Variants in PCDH15 observed in about 807,000 individuals in gnomAD.
The protein encoded by PCDH15 is protocadherin-15.
A neutral mutation model predicts 178.5 loss-of-function variants in PCDH15; 129 were observed. The observed-to-expected ratio is 0.72, with a 90% confidence interval of 0.63 to 0.84. The LOEUF (loss-of-function observed/expected upper bound fraction) is 0.84. Ranked by LOEUF, PCDH15 falls within the 40% of genes least tolerant of loss-of-function variation. The pLI, the probability that PCDH15 is intolerant of heterozygous loss-of-function variation, is 0.00. For synonymous variants in PCDH15, 800 were observed against 732.0 expected, an observed-to-expected ratio of 1.09 and a Z score of -1.50; for missense variants, 2,230 against 2,099.9, an observed-to-expected ratio of 1.06 and a Z score of -1.21.
In PCDH15 at chr10:54,020,186, C is replaced by T; in HGVS notation, c.2751+6G>A. 1 of 1,612,828 alleles carries T rather than the reference C, an allele frequency of 6.2e-7. No individual in the cohort carries two copies. The highest frequency in any genetic ancestry group is 8.5e-7 in the Non-Finnish European group (1 of 1,179,128). On this transcript the variant is annotated splice_donor_region_variant and intron_variant, in intron 20 of 37. Coordinates refer to ENST00000644397, the MANE Select transcript of PCDH15 (RefSeq NM_001384140.1). ...CAGGCAACCAGAAGTCATCTCTAGC[C>T]CTTACCTTTACAATCACTGTGACAG...
intron 2 of PCDH15, among the ~76,000 whole-genome samples, chr10:55,531,250 C>A (rs951047248): frequency 2.7e-4 from 41 of 151,982 alleles, no homozygotes; most frequent in African/African-American, 9.6e-4. Context: ...CCTTTAAAGC[C>A]TACTGGTATG....
rs533402114 is a variant in PCDH15 at position 54,521,811 on chromosome 10, C to T, written c.157+6001G>A. Among the ~76,000 whole-genome samples the T allele has an allele frequency of 1.5e-4, 23 of 151,898 alleles. No individual in the cohort carries two copies. In the South Asian group the frequency reaches 4.2e-3, roughly 27 times the overall value. ...TATATTTTTAAATAATAAAGTTGGC[C>T]GGGCGTGGTGGCTCATGCCTGTAAT... On this transcript the variant is annotated intron_variant, in intron 3 of 37. Transcript: ENST00000644397.
chr10:54,661,501 T>C (rs1236378200), intron 2 of PCDH15, among the ~76,000 whole-genome samples: 1 of 151,802 alleles, frequency 6.6e-6, no homozygotes. Context: ...ATAGTCAATA[T>C]AATTTCTATC....
At chr10:55,565,127 A>ATTGTGTTTTTT (rs1842275649) in intron 2 of PCDH15, among the ~76,000 whole-genome samples, 1 of 151,770 alleles carries the variant, frequency 6.6e-6, no homozygotes, top group Non-Finnish European at 1.5e-5. Flanking sequence ...CAATAGGTTT[A>ATTGTGTTTTTT]AAAGATATCA....
chr10:55,549,049 A>T (rs1184954729), intron 2 of PCDH15, among the ~76,000 whole-genome samples: 1 of 152,192 alleles, frequency 6.6e-6, no homozygotes, highest in Non-Finnish European at 1.5e-5. Context: ...AACATTGGAT[A>T]ACACACATTT....
At chr10:54,431,931 A>G (rs7922019) in intron 3 of PCDH15, among the ~76,000 whole-genome samples, 31,973 of 151,868 alleles carry the variant, frequency 0.21, 4,259 homozygotes, top group African/African-American at 0.38. Context: ...AATCAATATA[A>G]AAATAAAAAA....
In PCDH15 at chr10:53,839,022, G is replaced by A. The variant is rs548150665; in HGVS notation, c.3983+1298C>T. Among the ~76,000 whole-genome samples, 94 of 151,996 alleles carry A rather than the reference G, an allele frequency of 6.2e-4. 1 individual carries two copies. The highest frequency in any genetic ancestry group is 2.3e-3 in the African/African-American group (94 of 41,450). ...GATCGAGACCATCCTGGCTAACATGGTAAAACCCCGTCTCTACTAAAAATA... is the reference window on the plus strand; with the variant it reads ...GATCGAGACCATCCTGGCTAACATGATAAAACCCCGTCTCTACTAAAAATA... On this transcript the variant is annotated intron_variant, in intron 29 of 37. Transcript: ENST00000644397.
At chr10:54,456,116 C>T (rs2076804867) in intron 3 of PCDH15, among the ~76,000 whole-genome samples, 3 of 152,036 alleles carry the variant, frequency 2.0e-5, no homozygotes, top group East Asian at 3.9e-4. Flanking sequence ...TGGAGCCCCA[C>T]ACAGCACTGT....
At chr10:54,830,845 T>A (rs1422016825) in intron 3 of PCDH15, among the ~76,000 whole-genome samples, 1 of 150,520 alleles carries the variant, frequency 6.6e-6, no homozygotes, top group East Asian at 2.0e-4. Flanking sequence ...AGACAAAAAA[T>A]ATTCTGTAAT....
chr10:54,828,945 A>C (rs1489238610), intron 3 of PCDH15, among the ~76,000 whole-genome samples: 4 of 151,992 alleles, frequency 2.6e-5, no homozygotes, highest in African/African-American at 9.7e-5. Context: ...TGATGAAGAA[A>C]GTCCCTGTTT....
intron 3 of PCDH15, among the ~76,000 whole-genome samples, chr10:54,379,341 G>T (rs1010793653): frequency 6.6e-6 from 1 of 152,108 alleles, no homozygotes; most frequent in East Asian, 1.9e-4. Context: ...GTGAAAAAAA[G>T]ATATTGTGAA....
chr10:53,918,713 A>AACACACACACACAC (rs5741702), intron 25 of PCDH15, among the ~76,000 whole-genome samples: 1 of 146,970 alleles, frequency 6.8e-6, no homozygotes, highest in Non-Finnish European at 1.5e-5. Flanking sequence ...CAAATACACA[A>AACACACACACACAC]ACACACACAC....
intron 2 of PCDH15, among the ~76,000 whole-genome samples, chr10:55,491,477 A>C (rs1486366631): frequency 1.3e-5 from 2 of 151,616 alleles, no homozygotes; most frequent in African/African-American, 4.8e-5. Context: ...GGAAAGTCAG[A>C]ACTGCAGGGA....
chr10:54,263,718 AAGG>A (rs1010833981), intron 8 of PCDH15, among the ~76,000 whole-genome samples: 15 of 150,986 alleles, frequency 9.9e-5, no homozygotes, highest in Non-Finnish European at 1.5e-5. Context: ...TCATACTTTC[AAGG>A]AGAATAAAAA....
At chr10:53,903,637 A>T (rs2082477062) in intron 25 of PCDH15, among the ~76,000 whole-genome samples, 1 of 152,102 alleles carries the variant, frequency 6.6e-6, no homozygotes, top group Admixed American at 6.5e-5. Flanking sequence ...AAAATACTGC[A>T]CCCTGTTAAT....
At chr10:54,867,138 G>A (rs1476449747) in intron 3 of PCDH15, among the ~76,000 whole-genome samples, 5 of 152,140 alleles carry the variant, frequency 3.3e-5, no homozygotes, top group Admixed American at 3.3e-4. Flanking sequence ...AGAAGACTGG[G>A]CTGGGGGAAT....
chr10:55,098,737 C>G (rs1842503500), intron 2 of PCDH15, among the ~76,000 whole-genome samples: 1 of 152,056 alleles, frequency 6.6e-6, no homozygotes, highest in African/African-American at 2.4e-5. Flanking sequence ...GTAAATCAGA[C>G]ACCGCCTCCT....
At chr10:54,158,792 GAATA>G (rs111447275) in intron 13 of PCDH15, among the ~76,000 whole-genome samples, 2 of 152,186 alleles carry the variant, frequency 1.3e-5, no homozygotes, top group African/African-American at 4.8e-5. Flanking sequence ...TATTTTATAT[GAATA>G]AATATATTTT....
intron 8 of PCDH15, among the ~76,000 whole-genome samples, chr10:54,275,876 A>G (rs2058325520): frequency 6.6e-6 from 1 of 151,822 alleles, no homozygotes; most frequent in East Asian, 1.9e-4. Flanking sequence ...GTTTTATAAC[A>G]GAAATTGCAT....
Sources: allele counts gnomAD v4.1 joint callset (sites outside exome capture counted in the v4.1 genomes callset), GRCh38; gene constraint gnomAD v4.1.1; transcripts MANE v1.5; gene names NCBI Gene and HGNC (gene_info 2026-07-23, HGNC 2026-07-21).